Variants in FAM193A observed in about 807,000 individuals in gnomAD.
FAM193A encodes protein FAM193A.
In FAM193A, 22 loss-of-function variants were observed where a neutral mutation model predicts 126.5. The ratio of observed to expected loss-of-function variants is 0.17; its 90% CI spans 0.12 to 0.25. The LOEUF is 0.25. Ranked by LOEUF, FAM193A falls within the 10% of genes least tolerant of loss-of-function variation. The pLI is 1.00. For synonymous variants in FAM193A, 761 were observed against 646.8 expected (o/e 1.18, Z -2.68); for missense variants, 1,675 against 1,672.8 (o/e 1.00, Z -0.02).
At chr4:2,542,859 G>C (rs1314618610) in intron 1 of FAM193A, among the ~76,000 whole-genome samples, 2 of 152,164 alleles carry the variant, frequency 1.3e-5, no homozygotes, top group Non-Finnish European at 2.9e-5. Flanking sequence ...AGCACTATGT[G>C]TTATACCCAG....
chr4:2,680,523 G>A (rs114422876), intron 13 of FAM193A, among the ~76,000 whole-genome samples: 424 of 151,998 alleles, frequency 2.8e-3, no homozygotes, highest in African/African-American at 7.7e-3. Context: ...CCAGAGAGAA[G>A]ACAGGGTCTC....
intron 2 of FAM193A, among the ~76,000 whole-genome samples, chr4:2,617,246 A>ATC (rs1742252774): frequency 2.4e-5 from 1 of 41,954 alleles, no homozygotes; most frequent in Non-Finnish European, 4.4e-5. Context: ...TTTATTATAT[A>ATC]TATATATATA....
At chr4:2,689,135 T>A (rs1716079032) in intron 13 of FAM193A, among the ~76,000 whole-genome samples, 1 of 152,238 alleles carries the variant, frequency 6.6e-6, no homozygotes. Flanking sequence ...AAAGTTGACT[T>A]ATTAGTGATG....
chr4:2,552,645 C>A (rs1185506960), intron 1 of FAM193A, among the ~76,000 whole-genome samples: 1 of 151,980 alleles, frequency 6.6e-6, no homozygotes, highest in Non-Finnish European at 1.5e-5. Flanking sequence ...TCATGCCATT[C>A]TCCTGCCTCA....
intron 1 of FAM193A, among the ~76,000 whole-genome samples, chr4:2,566,298 T>C (rs1038576328): frequency 3.9e-5 from 6 of 152,114 alleles, no homozygotes; most frequent in South Asian, 2.1e-4. Context: ...CTGCCCACCT[T>C]GGCCTCCCAA....
chr4:2,543,332 C>G (rs2108805342), intron 1 of FAM193A, among the ~76,000 whole-genome samples: 1 of 152,000 alleles, frequency 6.6e-6, no homozygotes, highest in African/African-American at 2.4e-5. Context: ...CGTGATGTAC[C>G]CGCCTCGGCC....
At chr4:2,620,688 A>C (rs1742485560) in intron 2 of FAM193A, among the ~76,000 whole-genome samples, 1 of 147,092 alleles carries the variant, frequency 6.8e-6, no homozygotes, top group Non-Finnish European at 1.5e-5. Context: ...GTCTCTACTA[A>C]AAATACAAAA....
intron 19 of FAM193A, chr4:2,708,313 T>G (rs762593631): frequency 1.6e-5 from 5 of 308,608 alleles, no homozygotes; most frequent in South Asian, 4.7e-5. Flanking sequence ...TTAGTAGAGA[T>G]AGAGTTTCAC....
intron 1 of FAM193A, among the ~76,000 whole-genome samples, chr4:2,562,684 C>T (rs1560444774): frequency 6.6e-6 from 1 of 150,976 alleles, no homozygotes; most frequent in Non-Finnish European, 1.5e-5. Flanking sequence ...GGCTGGAGTG[C>T]AATGGTGAGA....
At chr4:2,629,331 T>G (rs1053244927) in intron 4 of FAM193A, among the ~76,000 whole-genome samples, 1 of 152,216 alleles carries the variant, frequency 6.6e-6, no homozygotes, top group African/African-American at 2.4e-5. Context: ...TGTGGCTTTA[T>G]TTTAATAGAT....
intron 19 of FAM193A, among the ~76,000 whole-genome samples, chr4:2,703,332 C>T (rs1717948251): frequency 6.6e-6 from 1 of 152,162 alleles, no homozygotes; most frequent in South Asian, 2.1e-4. Context: ...CTGCATCCTC[C>T]ACCCCCCAGG....
chr4:2,611,968 C>G (rs1741902897), intron 2 of FAM193A, among the ~76,000 whole-genome samples: 2 of 151,602 alleles, frequency 1.3e-5, no homozygotes, highest in South Asian at 4.2e-4. Flanking sequence ...TCCCAAGTAG[C>G]TGGGACTACA....
At chr4:2,571,527 G>C (rs1353337147) in intron 1 of FAM193A, among the ~76,000 whole-genome samples, 1 of 151,946 alleles carries the variant, frequency 6.6e-6, no homozygotes, top group East Asian at 1.9e-4. Flanking sequence ...TATGTGTAGA[G>C]TGAAATTCTA....
intron 5 of FAM193A, among the ~76,000 whole-genome samples, chr4:2,634,019 G>A (rs1202585091): frequency 2.0e-5 from 3 of 152,232 alleles, no homozygotes; most frequent in African/African-American, 7.2e-5. Context: ...GTCAGCATTT[G>A]CTGTGGGTAT....
At position 2,693,671 on chromosome 4, in the gene FAM193A, C is replaced by G. The variant is rs557844762; in HGVS notation, c.2889C>G (p.Pro963=). ...GGAATAGCCCCACGGGCTTGGCCCC[C>G]CTCCCAGCGCTCTCGCCTGCTGCGC... The part of the protein sequence containing the change: ...APRNSPTGLA[P]LPALSPAALS... The change falls in exon 16 of 21, where the codon CCC becomes CCG. Residue 963 remains proline, a synonymous_variant. Coordinates refer to ENST00000637812, the MANE Select transcript of FAM193A (RefSeq NM_001366318.2). The G allele has an allele frequency of 2.5e-6, 4 of 1,614,044 alleles. No homozygotes were observed. Among genetic ancestry groups the G allele is most frequent in the South Asian group, 1.1e-5 (1 of 91,090 alleles).
At chr4:2,536,010 C>A (rs1269097397), upstream of FAM193A, among the ~76,000 whole-genome samples, 1 of 152,132 alleles carries the variant, frequency 6.6e-6, no homozygotes, top group Non-Finnish European at 1.5e-5. Flanking sequence ...GGCAGGGATT[C>A]TGTGGTCCTC....
intron 1 of FAM193A, among the ~76,000 whole-genome samples, chr4:2,540,022 G>A (rs907263165): frequency 1.3e-4 from 20 of 152,022 alleles, no homozygotes; most frequent in African/African-American, 4.6e-4. Flanking sequence ...GGAGACTGAG[G>A]CAGGAGAATT....
chr4:2,699,355 G>C (rs1414333527), intron 18 of FAM193A, among the ~76,000 whole-genome samples: 1 of 151,492 alleles, frequency 6.6e-6, no homozygotes, highest in East Asian at 1.9e-4. Flanking sequence ...CTCCCTGGAT[G>C]TGTGCTTTGC....
chr4:2,708,975 TTAAG>T (rs989818648), intron 19 of FAM193A, among the ~76,000 whole-genome samples: 6 of 152,172 alleles, frequency 3.9e-5, no homozygotes, highest in African/African-American at 1.4e-4. Context: ...TGTTTCCACA[TTAAG>T]TAAGATGTTG....
Sources: allele counts gnomAD v4.1 joint callset (sites outside exome capture counted in the v4.1 genomes callset), GRCh38; gene constraint gnomAD v4.1.1; transcripts MANE v1.5; gene names NCBI Gene and HGNC (gene_info 2026-07-23, HGNC 2026-07-21).